Variants in CACNB2 observed in about 807,000 individuals in gnomAD.
The protein encoded by CACNB2 is voltage-dependent L-type calcium channel subunit beta-2.
In CACNB2, 42 loss-of-function variants were observed where a neutral mutation model predicts 73.3. The observed-to-expected ratio is 0.57, with a 90% CI of 0.45 to 0.74. The LOEUF (loss-of-function observed/expected upper bound fraction) is 0.74, where lower values mean the gene tolerates loss of function less well. Ranked by LOEUF, CACNB2 falls within the 30% of genes least tolerant of loss-of-function variation. The pLI is 0.00. For synonymous variants in CACNB2, 348 were observed against 310.3 expected, an observed-to-expected ratio of 1.12 and a Z score of -1.28; for missense variants, 940 against 853.0, an observed-to-expected ratio of 1.10 and a Z score of -1.27.
At chr10:18,180,151 A>G (rs1442763528) in intron 2 of CACNB2, among the ~76,000 whole-genome samples, 1 of 152,136 alleles carries the variant, frequency 6.6e-6, no homozygotes, top group African/African-American at 2.4e-5. Context: ...TACTAGCCTC[A>G]TTTGCCTTTT....
intron 2 of CACNB2, among the ~76,000 whole-genome samples, chr10:18,216,720 A>G (rs1269798080): frequency 6.6e-6 from 1 of 152,190 alleles, no homozygotes; most frequent in Non-Finnish European, 1.5e-5. Context: ...TTCTCTCATA[A>G]CCCCTCATGG....
At chr10:18,537,778 AAAAAAG>A (rs1033751284) in intron 12 of CACNB2, among the ~76,000 whole-genome samples, 9 of 152,176 alleles carry the variant, frequency 5.9e-5, no homozygotes, top group Admixed American at 3.9e-4. Flanking sequence ...CTCTGTCTCA[AAAAAAG>A]AAAAAGAAAA....
intron 2 of CACNB2, chr10:18,256,654 G>C (rs947252658): frequency 3.7e-4 from 56 of 152,304 alleles, no homozygotes; most frequent in Non-Finnish European, 7.5e-4. Flanking sequence ...TAAAATCCAT[G>C]TTTAGGCCGG....
chr10:18,268,751 T>C (rs1347454137), intron 2 of CACNB2, among the ~76,000 whole-genome samples: 1 of 152,214 alleles, frequency 6.6e-6, no homozygotes, highest in Non-Finnish European at 1.5e-5. Flanking sequence ...TAAAATTAAT[T>C]TATCCCTCAC....
chr10:18,451,877 G>T (rs1020641082), intron 3 of CACNB2, among the ~76,000 whole-genome samples: 1 of 152,070 alleles, frequency 6.6e-6, no homozygotes, highest in Non-Finnish European at 1.5e-5. Context: ...ATCTAGATAG[G>T]GCTCTATTTA....
intron 6 of CACNB2, chr10:18,513,484 T>G: frequency 3.5e-6 from 1 of 285,382 alleles, no homozygotes; most frequent in South Asian, 3.9e-5. Flanking sequence ...CATCTTCAAG[T>G]CCCTCGTCTC....
chr10:18,450,005 G>T (rs1432148348), intron 3 of CACNB2, among the ~76,000 whole-genome samples: 1 of 152,222 alleles, frequency 6.6e-6, no homozygotes, highest in Admixed American at 6.5e-5. Context: ...GAGGCAGAAA[G>T]AAAGCACTTC....
intron 2 of CACNB2, among the ~76,000 whole-genome samples, chr10:18,361,298 C>T (rs1406017353): frequency 1.3e-5 from 2 of 150,592 alleles, no homozygotes; most frequent in African/African-American, 4.9e-5. Context: ...CCAAGACCAG[C>T]TGGCAACTTA....
At chr10:18,530,472 C>T (rs1200943671) in intron 10 of CACNB2, among the ~76,000 whole-genome samples, 1 of 144,018 alleles carries the variant, frequency 6.9e-6, no homozygotes, top group South Asian at 2.2e-4. Context: ...AAGGAGGAGG[C>T]TGTAATATTA....
At position 18,323,389 on chromosome 10, in the gene CACNB2, GT is replaced by G. The variant is rs140972007; in HGVS notation, c.214-78526del. Among the ~76,000 whole-genome samples the G allele has an allele frequency of 4.0e-5, 6 of 150,568 alleles. No individual in the cohort carries two copies. In the East Asian group the frequency reaches 5.8e-4, roughly 15 times the overall value. ...TAAGTATATATTTTTTGAGGGCTTG[GT>G]TTTTTTTTACTGAATATTACATTTC... On this transcript the variant is annotated intron_variant, in intron 2 of 13. Transcript: ENST00000324631.
intron 9 of CACNB2, among the ~76,000 whole-genome samples, chr10:18,527,342 T>C (rs972072510): frequency 2.0e-5 from 3 of 151,662 alleles, no homozygotes; most frequent in Non-Finnish European, 4.4e-5. Context: ...CACCACTGCA[T>C]TGCAGCCTGG....
chr10:18,336,600 CAGAG>C (rs1468070380), intron 2 of CACNB2, among the ~76,000 whole-genome samples: 1 of 150,208 alleles, frequency 6.7e-6, no homozygotes, highest in African/African-American at 2.5e-5. Context: ...GCCTGGGTAA[CAGAG>C]AGAGAGACTC....
rs147185713 is a variant in CACNB2 at position 18,471,659 on chromosome 10, T to TAA, written c.334-26696_334-26695insAA. 1.1e-3 allele frequency among the ~76,000 whole-genome samples: 160 copies of TAA among 152,274 alleles called. 1 individual carries two copies. In the East Asian group the frequency reaches 0.028, roughly 27 times the overall value. On this transcript the variant is annotated intron_variant, in intron 3 of 13. Coordinates refer to ENST00000324631, the MANE Select transcript of CACNB2 (RefSeq NM_201596.3). Reference sequence around the variant, plus strand: ...GTTGGAATTACAGCTTAGACTCCTGTCTCTACCACATGTAACTATGGCCTG... The same window carrying TAA: ...GTTGGAATTACAGCTTAGACTCCTGTAACTCTACCACATGTAACTATGGCCTG...
At chr10:18,530,265 T>G (rs183695577) in intron 10 of CACNB2, among the ~76,000 whole-genome samples, 3 of 152,158 alleles carry the variant, frequency 2.0e-5, no homozygotes, top group African/African-American at 7.2e-5. Context: ...TAGCAAATAC[T>G]TGAATACCAA....
intron 2 of CACNB2, chr10:18,401,053 C>A: frequency 6.2e-7 from 1 of 1,614,170 alleles, no homozygotes; most frequent in Non-Finnish European, 8.5e-7. Flanking sequence ...CTGGATCAGG[C>A]TTCTGAAAAG....
At chr10:18,316,602 T>A (rs1447873976) in intron 2 of CACNB2, among the ~76,000 whole-genome samples, 1 of 152,046 alleles carries the variant, frequency 6.6e-6, no homozygotes, top group East Asian at 1.9e-4. Flanking sequence ...TAGCTAGGAC[T>A]ACAGATACAT....
intron 3 of CACNB2, among the ~76,000 whole-genome samples, chr10:18,491,571 G>A (rs1319143070): frequency 6.6e-6 from 1 of 152,134 alleles, no homozygotes; most frequent in Non-Finnish European, 1.5e-5. Flanking sequence ...CTGGGCAACA[G>A]AAAGACCCTG....
intron 3 of CACNB2, among the ~76,000 whole-genome samples, chr10:18,470,474 G>A (rs1349766879): frequency 6.7e-6 from 1 of 150,232 alleles, no homozygotes; most frequent in Non-Finnish European, 1.5e-5. Context: ...ATACTGTATT[G>A]TATATATTAC....
At chr10:18,228,715 G>A (rs2482111) in intron 2 of CACNB2, among the ~76,000 whole-genome samples, 128,694 of 151,892 alleles carry the variant, frequency 0.85, 54,879 homozygotes, top group African/African-American at 0.94. Flanking sequence ...TGAGTGGCTC[G>A]TTTTTACCCT....
Sources: allele counts gnomAD v4.1 joint callset (sites outside exome capture counted in the v4.1 genomes callset), GRCh38; gene constraint gnomAD v4.1.1; transcripts MANE v1.5; gene names NCBI Gene and HGNC (gene_info 2026-07-23, HGNC 2026-07-21).